Variants in CHL1 observed in about 807,000 individuals in gnomAD.
CHL1 encodes the protein neural cell adhesion molecule L1-like protein.
In CHL1, 96 loss-of-function variants were observed where a neutral mutation model predicts 141.9. The observed-to-expected ratio is 0.68, with a 90% CI of 0.57 to 0.80. The LOEUF (loss-of-function observed/expected upper bound fraction) is 0.80, where lower values mean the gene tolerates loss of function less well. Among genes scored for constraint, CHL1 ranks in the 30% least tolerant of loss-of-function variants. The pLI is 0.00. For synonymous variants in CHL1, 613 were observed against 502.2 expected, an observed-to-expected ratio of 1.22 and a Z score of -2.95; for missense variants, 1,820 against 1,457.2, an observed-to-expected ratio of 1.25 and a Z score of -4.05.
intron 25 of CHL1, 25 bp from the exon 26 acceptor site, chr3:398,992 G>C: frequency 6.2e-7 from 1 of 1,608,918 alleles, no homozygotes; most frequent in Non-Finnish European, 8.5e-7. Flanking sequence ...AGTTTACAAT[G>C]CTGTGACTTC....
In CHL1 at chr3:363,316, G is replaced by C. The variant is rs375022202; in HGVS notation, c.1518G>C (p.Gly506=). ...ACAGAACCACCGAAGAAGATGCTGG[G>C]TCTTACTCATGTTGGGTAGAAAATG... ...QINRTTEEDA[G]SYSCWVENAI... The change falls in exon 14 of 28, where the codon GGG becomes GGC. Residue 506 remains glycine (G), a synonymous_variant. Coordinates refer to ENST00000256509, the MANE Select transcript of CHL1 (RefSeq NM_006614.4). 2.0e-5 allele frequency: 33 copies of C among 1,613,588 alleles called. No individual in the cohort carries two copies. In the Middle Eastern group the frequency reaches 4.9e-4, roughly 24 times the overall value.
intron 2 of CHL1, among the ~76,000 whole-genome samples, chr3:273,263 C>G (rs917258586): frequency 5.9e-5 from 9 of 152,136 alleles, no homozygotes; most frequent in Non-Finnish European, 2.9e-5. Context: ...TATTCATGAT[C>G]AAAATGAATT....
chr3:383,954 C>CATTG, intron 19 of CHL1, 68 bp downstream of exon 19: 2 of 1,009,812 alleles, frequency 2.0e-6, no homozygotes, highest in Non-Finnish European at 3.0e-6. Flanking sequence ...TGCATGCTAA[C>CATTG]TACAATGATA....
intron 15 of CHL1, among the ~76,000 whole-genome samples, chr3:367,737 G>T (rs1705084715): frequency 6.6e-6 from 1 of 152,032 alleles, no homozygotes; most frequent in Non-Finnish European, 1.5e-5. Flanking sequence ...AGGTATACAT[G>T]TGCCATGATG....
intron 24 of CHL1, 118 bp downstream of exon 24, chr3:394,990 A>G (rs1708552062): frequency 1.2e-6 from 1 of 855,200 alleles, no homozygotes; most frequent in Admixed American, 3.3e-5. Flanking sequence ...AATGATTGTG[A>G]TCCCACTCTG....
chr3:344,353 T>C lies in CHL1; in HGVS notation c.728-236T>C, dbSNP rs73817635. Among the ~76,000 whole-genome samples, 794 of 152,164 alleles carry C rather than the reference T, an allele frequency of 5.2e-3. 6 individuals are homozygous for C. Among genetic ancestry groups the C allele is most frequent in the African/African-American group, 0.018 (752 of 41,516 alleles). ...AGCAGATATGGTATAAATAATAATATTTATAAAATTTTGCAGTGCTACGCT... is the reference window on the plus strand; with the variant it reads ...AGCAGATATGGTATAAATAATAATACTTATAAAATTTTGCAGTGCTACGCT... On this transcript the variant is annotated intron_variant, in intron 8 of 27. Transcript: ENST00000256509.
At chr3:301,859 T>TC (rs1698767814) in intron 2 of CHL1, among the ~76,000 whole-genome samples, 1 of 152,170 alleles carries the variant, frequency 6.6e-6, no homozygotes, top group Admixed American at 6.6e-5. Flanking sequence ...CATCAACCCA[T>TC]CACCTACATT....
At chr3:379,723 G>A (rs1243894438) in intron 16 of CHL1, among the ~76,000 whole-genome samples, 1 of 151,614 alleles carries the variant, frequency 6.6e-6, no homozygotes, top group African/African-American at 2.4e-5. Flanking sequence ...TATATGTACT[G>A]GTTATATACG....
chr3:374,037 A>G (rs1447008815), intron 15 of CHL1: 2 of 151,964 alleles, frequency 1.3e-5, no homozygotes, highest in African/African-American at 2.4e-5. Flanking sequence ...CTAGTTCGCT[A>G]TCTTGGTCCT....
chr3:235,259 T>C (rs1230384635), intron 1 of CHL1, among the ~76,000 whole-genome samples: 2 of 152,062 alleles, frequency 1.3e-5, no homozygotes, highest in African/African-American at 4.8e-5. Flanking sequence ...CCTATGGCAA[T>C]ATTTAAGGTT....
rs1483208687 is a variant in CHL1, at chr3:340,862, C to G, written c.454C>G (p.Pro152Ala). The change falls in exon 6 of 28, where the codon CCA (proline) becomes GCA (alanine). Residue 152 changes from proline to alanine, a missense_variant. Coordinates refer to ENST00000256509, the MANE Select transcript of CHL1 (RefSeq NM_006614.4). The stretch of plus-strand genomic sequence containing the variant: ...GGAGGAGGGAGATCCAATTGTCCTC[C>G]CATGCAATCCTCCCAAAGGCCTCCC... ...EVEEGDPIVL[P>A]CNPPKGLPPL... 1.2e-6 allele frequency: 2 copies of G among 1,612,398 alleles called. No individual in the cohort carries two copies. Among genetic ancestry groups the G allele is most frequent in the African/African-American group, 2.7e-5 (2 of 74,810 alleles).
intron 1 of CHL1, among the ~76,000 whole-genome samples, chr3:232,516 TA>T (rs1473074950): frequency 3.9e-5 from 6 of 152,190 alleles, no homozygotes; most frequent in Admixed American, 2.0e-4. Context: ...TTAGGTTTTT[TA>T]AAGAGTCATT....
In CHL1 at chr3:393,479, A is replaced by G. The variant is rs550734748; in HGVS notation, c.2915-1214A>G. On this transcript the variant is annotated intron_variant, in intron 23 of 27. Coordinates refer to ENST00000256509, the MANE Select transcript of CHL1 (RefSeq NM_006614.4). ...TGATCCGTATGTGACATTTACGTTT[A>G]TTTAAAAACAAGTTCTTAGAATATA... 2.0e-5 allele frequency among the ~76,000 whole-genome samples: 3 copies of G among 152,200 alleles called. No homozygotes were observed. In the South Asian group the frequency reaches 6.2e-4, roughly 32 times the overall value.
At chr3:237,709 G>A (rs562758884) in intron 1 of CHL1, among the ~76,000 whole-genome samples, 33 of 152,140 alleles carry the variant, frequency 2.2e-4, no homozygotes, top group African/African-American at 7.9e-4. Context: ...AAAGTTAGTG[G>A]TACCCACATT....
intron 1 of CHL1, among the ~76,000 whole-genome samples, chr3:205,492 C>T (rs1461296812): frequency 6.6e-6 from 1 of 152,048 alleles, no homozygotes; most frequent in Non-Finnish European, 1.5e-5. Context: ...CTAGAGTCAC[C>T]GTATAAACTG....
intron 16 of CHL1, among the ~76,000 whole-genome samples, chr3:380,016 TAA>T (rs1174581817): frequency 1.3e-5 from 2 of 152,176 alleles, no homozygotes; most frequent in Non-Finnish European, 2.9e-5. Context: ...TATCATTTTT[TAA>T]AAGTTTCAGT....
intron 9 of CHL1, 83 bp downstream of exon 9, chr3:344,792 G>A (rs1449668205): frequency 2.3e-6 from 3 of 1,320,460 alleles, no homozygotes; most frequent in African/African-American, 1.5e-5. Flanking sequence ...GACTGTGCTT[G>A]CAAAGATATT....
At chr3:302,285 G>T (rs1698822738) in intron 2 of CHL1, among the ~76,000 whole-genome samples, 1 of 152,158 alleles carries the variant, frequency 6.6e-6, no homozygotes, top group Admixed American at 6.5e-5. Context: ...TGGGTCAAAT[G>T]GTATTTCTAG....
chr3:366,406 G>T (rs979772771), intron 15 of CHL1, among the ~76,000 whole-genome samples: 2 of 151,464 alleles, frequency 1.3e-5, no homozygotes, highest in African/African-American at 4.9e-5. Context: ...AGGAGGCGGA[G>T]GTTGTGGTGA....
Sources: gnomAD v4.1 joint callset for allele counts (sites outside exome capture counted in the v4.1 genomes callset) on GRCh38, gnomAD v4.1.1 for gene constraint, MANE v1.5 for transcripts, NCBI Gene and HGNC (gene_info 2026-07-23, HGNC 2026-07-21) for gene names.